Variants in PTPN5 observed in about 807,000 individuals in gnomAD.
The protein encoded by PTPN5 is tyrosine-protein phosphatase non-receptor type 5.
Under a neutral mutation model 73.9 loss-of-function variants are expected in PTPN5, and 29 were observed. The observed-to-expected ratio is 0.39, with a 90% CI of 0.29 to 0.54. The LOEUF is 0.54. Among genes scored for constraint, PTPN5 ranks in the 20% least tolerant of loss-of-function variants. PTPN5 has a pLI of 0.65. For missense variants in PTPN5, 652 were observed against 751.4 expected (o/e 0.87, Z 1.55); for synonymous variants, 267 against 304.7 (o/e 0.88, Z 1.29).
In PTPN5 at chr11:18,729,129, C is replaced by T; in HGVS notation, c.1605-102G>A. 7.9e-7 allele frequency: 1 copy of T among 1,266,564 alleles called. No homozygotes were observed. Among genetic ancestry groups the T allele is most frequent in the Non-Finnish European group, 1.1e-6 (1 of 892,886 alleles). The allele number at this position is 1,266,564 out of a possible 1,614,324, so 78.5% of individuals were successfully genotyped here. A position where few individuals can be genotyped will look rare whatever the true frequency, so the allele number is the denominator to read the frequency against. ...TAGCAATCACTTGCCAGGCCTTGCCCCTGTGCGTCTTGGAGAGACCAACCC... is the reference window on the plus strand; with the variant it reads ...TAGCAATCACTTGCCAGGCCTTGCCTCTGTGCGTCTTGGAGAGACCAACCC... On this transcript the variant is annotated intron_variant, in intron 14 of 14. Transcript: ENST00000358540. The surrounding 1 kb of genome is among the most constrained non-coding windows in gnomAD (Gnocchi z 5.2).
chr11:18,784,594 A>C (rs1213933943), intron 1 of PTPN5, among the ~76,000 whole-genome samples: 1 of 152,200 alleles, frequency 6.6e-6, no homozygotes, highest in Non-Finnish European at 1.5e-5. Context: ...TAACACTGTA[A>C]ATATACTTAA....
intron 12 of PTPN5, among the ~76,000 whole-genome samples, chr11:18,730,935 T>G (rs960426784): frequency 1.6e-4 from 24 of 152,120 alleles, no homozygotes; most frequent in Non-Finnish European, 8.8e-5. Context: ...CAAACACATG[T>G]GCACACATAC....
Position 18,733,132 on chromosome 11 carries a change from A to C in PTPN5, c.1218+103T>G. The C allele has an allele frequency of 6.7e-7, 1 of 1,496,966 alleles. No individual in the cohort carries two copies. Among genetic ancestry groups the C allele is most frequent in the African/African-American group, 1.4e-5 (1 of 72,712 alleles). 92.7% of individuals were successfully genotyped at this position (1,496,966 alleles called of 1,614,324 possible). The stretch of plus-strand genomic sequence containing the variant: ...TCCTCATCTTGGCAGCGGAGTGAAC[A>C]CCGCCGACCTCTTGAGATTGTCATA... On this transcript the variant is annotated intron_variant, in intron 11 of 14. Coordinates refer to ENST00000358540, the MANE Select transcript of PTPN5 (RefSeq NM_006906.2). The surrounding 1 kb of genome is among the most constrained non-coding windows in gnomAD (Gnocchi z 4.3).
At chr11:18,737,409 C>A (rs925296429) in intron 9 of PTPN5, among the ~76,000 whole-genome samples, 2 of 152,134 alleles carry the variant, frequency 1.3e-5, no homozygotes, top group Admixed American at 6.5e-5. Flanking sequence ...GCTTACAATT[C>A]GACCACACTC....
At chr11:18,752,934 C>T (rs1849958131) in intron 3 of PTPN5, among the ~76,000 whole-genome samples, 1 of 152,192 alleles carries the variant, frequency 6.6e-6, no homozygotes, top group Non-Finnish European at 1.5e-5. Flanking sequence ...TGATGAGATC[C>T]AGAGAATAAG....
chr11:18,751,246 G>C (rs1849875569), intron 3 of PTPN5, among the ~76,000 whole-genome samples: 1 of 152,328 alleles, frequency 6.6e-6, no homozygotes, highest in South Asian at 2.1e-4. Flanking sequence ...GTAGGTGTTA[G>C]AGGATATATG....
At chr11:18,757,375 C>G (rs970223231) in intron 3 of PTPN5, among the ~76,000 whole-genome samples, 6 of 152,156 alleles carry the variant, frequency 3.9e-5, no homozygotes, top group African/African-American at 1.4e-4. Flanking sequence ...GGAAAATGTC[C>G]CTCATCCTGA....
intron 3 of PTPN5, among the ~76,000 whole-genome samples, chr11:18,761,295 T>C (rs1850378943): frequency 6.6e-6 from 1 of 152,128 alleles, no homozygotes; most frequent in African/African-American, 2.4e-5. Context: ...ACCTTGTACC[T>C]CCGCGGCAGC....
intron 1 of PTPN5, among the ~76,000 whole-genome samples, chr11:18,788,185 C>T (rs1038039713): frequency 6.6e-6 from 1 of 152,174 alleles, no homozygotes; most frequent in Non-Finnish European, 1.5e-5. Context: ...ATTCTTACAA[C>T]CACCCCCAGT....
intron 3 of PTPN5, among the ~76,000 whole-genome samples, chr11:18,744,936 G>A (rs1048531898): frequency 2.6e-5 from 4 of 152,226 alleles, no homozygotes; most frequent in Admixed American, 1.3e-4. Flanking sequence ...GTTTTCTCAG[G>A]TGCACAGGGG....
chr11:18,777,382 A>G lies in PTPN5; in HGVS notation c.-113-5311T>C, dbSNP rs190307619. Among the ~76,000 whole-genome samples, 7 of 152,306 alleles carry G rather than the reference A, an allele frequency of 4.6e-5. No individual in the cohort carries two copies. In the East Asian group the frequency reaches 1.4e-3, roughly 29 times the overall value. On this transcript the variant is annotated intron_variant, in intron 1 of 14. Transcript: ENST00000358540. ...TTAAATGAATGTTGATCTTCACACA[A>G]AGTTTTTACATGAGATGCATGGAAA...
intron 11 of PTPN5, 50 bp from the exon 12 acceptor site, chr11:18,732,752 ACT>A: frequency 2.1e-6 from 3 of 1,423,068 alleles, no homozygotes; most frequent in South Asian, 1.2e-5. Context: ...CCTTCCCACA[ACT>A]CTCTACACTC....
rs1050987395 is a variant in PTPN5 at position 18,787,868 on chromosome 11, G to A, written c.-114+3657C>T. ...GTATCCCTAGGGGCTAGAACAACCT[G>A]GCATGTAACAGATGTTTATATGTAT... On this transcript the variant is annotated intron_variant, in intron 1 of 14. Transcript: ENST00000358540. Among the ~76,000 whole-genome samples the A allele has an allele frequency of 5.3e-5, 8 of 152,118 alleles. No individual in the cohort carries two copies. In the South Asian group the frequency reaches 1.7e-3, roughly 32 times the overall value.
At chr11:18,768,923 C>T (rs1850755409) in intron 2 of PTPN5, among the ~76,000 whole-genome samples, 1 of 152,162 alleles carries the variant, frequency 6.6e-6, no homozygotes, top group African/African-American at 2.4e-5. Flanking sequence ...GCTAAGGCTC[C>T]TGCTCTCTCC....
chr11:18,743,389 A>C lies in PTPN5; in HGVS notation c.332T>G (p.Ile111Ser). Residue 111 changes from isoleucine (I) to serine (S), a missense_variant, in exon 5 of 15, where the codon ATC (isoleucine) becomes AGC (serine). Ile to Ser is a moderately radical substitution (Grantham distance 142). This residue lies in a region of PTPN5 where 529 missense variants were observed against 573.9 expected (regional missense o/e 0.92). Coordinates refer to ENST00000358540, the MANE Select transcript of PTPN5 (RefSeq NM_006906.2). Reference sequence around the variant, plus strand: ...GAGGTTTGTGGCGTTCTGTGACCAGATGTGGCCATAACCGCTGAACCAGAG... The same window carrying C: ...GAGGTTTGTGGCGTTCTGTGACCAGCTGTGGCCATAACCGCTGAACCAGAG... ...GVLWFSGYGH[I>S]WSQNATNLVS... is the part of the protein sequence containing the mutation. 1.2e-6 allele frequency: 2 copies of C among 1,614,100 alleles called. No individual in the cohort carries two copies. The highest frequency in any genetic ancestry group is 1.7e-6 in the Non-Finnish European group (2 of 1,180,010).
chr11:18,779,500 C>G (rs981147784), intron 1 of PTPN5, among the ~76,000 whole-genome samples: 4 of 152,146 alleles, frequency 2.6e-5, no homozygotes, highest in African/African-American at 7.2e-5. Context: ...TTCTCAGTAC[C>G]TTATTTCATT....
At chr11:18,748,419 G>A (rs1455172554) in intron 3 of PTPN5, among the ~76,000 whole-genome samples, 1 of 152,116 alleles carries the variant, frequency 6.6e-6, no homozygotes, top group East Asian at 1.9e-4. Context: ...TAAGACTACT[G>A]GTCACCTGGC....
chr11:18,739,589 T>C (rs1849273961), intron 8 of PTPN5, among the ~76,000 whole-genome samples: 1 of 152,140 alleles, frequency 6.6e-6, no homozygotes, highest in African/African-American at 2.4e-5. Context: ...GATCAGATGA[T>C]GATGGAGGTC....
At position 18,733,785 on chromosome 11, in the gene PTPN5, T is replaced by A. The variant is rs1298502340; in HGVS notation, c.1001-150A>T. The A allele has an allele frequency of 6.8e-6, 5 of 734,776 alleles. No individual in the cohort carries two copies. The South Asian group carries it at 8.6e-5, about 13-fold the overall frequency. The allele number at this position is 734,776 out of a possible 1,614,324, so 45.5% of individuals were successfully genotyped here. A position where few individuals can be genotyped will look rare whatever the true frequency, so the allele number is the denominator to read the frequency against. On this transcript the variant is annotated intron_variant, in intron 9 of 14. Transcript: ENST00000358540. The surrounding 1 kb of genome is among the most constrained non-coding windows in gnomAD (Gnocchi z 4.3). ...CAGCAGCAAAACATTGACCCATTCA[T>A]GGTTCATTTTGTAGGTGAGGACTCA...
Sources: gnomAD v4.1 joint callset for allele counts (sites outside exome capture counted in the v4.1 genomes callset) on GRCh38, gnomAD v4.1.1 for gene constraint, gnomAD v4.1.1 regional missense constraint, Gnocchi (gnomAD v3.1) non-coding constraint, MANE v1.5 for transcripts, NCBI Gene and HGNC (gene_info 2026-07-23, HGNC 2026-07-21) for gene names.